Variants in CLCN3 observed in about 807,000 individuals in gnomAD.
CLCN3 encodes H(+)/Cl(-) exchange transporter 3.
Under a neutral mutation model 83.4 loss-of-function variants are expected in CLCN3, and 16 were observed. The observed-to-expected ratio is 0.19, with a 90% CI of 0.13 to 0.29. CLCN3 has a LOEUF of 0.29. Ranked by LOEUF, CLCN3 falls within the 10% of genes least tolerant of loss-of-function variation. CLCN3 has a pLI of 1.00. For synonymous variants in CLCN3, 322 were observed against 346.2 expected (o/e 0.93, Z 0.78); for missense variants, 544 against 1,006.0 (o/e 0.54, Z 6.21).
chr4:169,624,357 C>T, intron 1 of CLCN3, among the ~76,000 whole-genome samples: 1 of 152,170 alleles, frequency 6.6e-6, no homozygotes, highest in East Asian at 1.9e-4. Flanking sequence ...TGGTCTTGAA[C>T]TCCTGACCTG....
intron 11 of CLCN3, among the ~76,000 whole-genome samples, chr4:169,709,664 C>A (rs1242900908): frequency 3.5e-5 from 5 of 144,678 alleles, no homozygotes; most frequent in Non-Finnish European, 6.0e-5. Flanking sequence ...GGGCGAAGAG[C>A]AAAACCCTGT....
At chr4:169,713,390 C>A in intron 12 of CLCN3, 95 bp downstream of exon 12, 1 of 943,530 alleles carries the variant, frequency 1.1e-6, no homozygotes, top group South Asian at 1.4e-5. Context: ...TGTGAGTCAG[C>A]TCCCAGGTGG....
At chr4:169,630,543 T>C (rs1773343290) in intron 1 of CLCN3, among the ~76,000 whole-genome samples, 1 of 152,164 alleles carries the variant, frequency 6.6e-6, no homozygotes, top group African/African-American at 2.4e-5. Flanking sequence ...ATTTTTATTT[T>C]TTTTTGAGAC....
At chr4:169,664,253 AG>A (rs1225246718) in intron 2 of CLCN3, among the ~76,000 whole-genome samples, 1 of 152,138 alleles carries the variant, frequency 6.6e-6, no homozygotes, top group East Asian at 1.9e-4. Flanking sequence ...TTGAAATAAA[AG>A]TTTGGGGTCT....
At chr4:169,687,305 G>C (rs1560858874) in intron 3 of CLCN3, among the ~76,000 whole-genome samples, 1 of 152,132 alleles carries the variant, frequency 6.6e-6, no homozygotes, top group African/African-American at 2.4e-5. Context: ...TCTTGGCTGG[G>C]CACGGTGGCT....
chr4:169,710,599 T>C (rs1733174989), intron 11 of CLCN3, among the ~76,000 whole-genome samples: 1 of 152,172 alleles, frequency 6.6e-6, no homozygotes, highest in Non-Finnish European at 1.5e-5. Flanking sequence ...CAAATTTAAG[T>C]CAAAGAGATT....
chr4:169,682,501 G>A (rs528347678), intron 3 of CLCN3, among the ~76,000 whole-genome samples: 180 of 152,280 alleles, frequency 1.2e-3, no homozygotes, highest in African/African-American at 3.7e-3. Context: ...AGTAAAAATG[G>A]CATTCCATGT....
At chr4:169,636,228 A>G (rs1450223419) in intron 2 of CLCN3, 140 bp downstream of exon 2, 6 of 746,760 alleles carry the variant, frequency 8.0e-6, no homozygotes, top group African/African-American at 3.6e-5. Context: ...TAACCATTGT[A>G]AAGTGTGGAA....
chr4:169,707,844 T>C (rs1292911124), intron 11 of CLCN3, among the ~76,000 whole-genome samples: 2 of 152,252 alleles, frequency 1.3e-5, no homozygotes, highest in Non-Finnish European at 2.9e-5. Flanking sequence ...TTATGCAGAC[T>C]TTCCTGAAAA....
chr4:169,654,926 A>G (rs1444126843), intron 2 of CLCN3, among the ~76,000 whole-genome samples: 2 of 152,166 alleles, frequency 1.3e-5, no homozygotes, highest in African/African-American at 4.8e-5. Flanking sequence ...GTTTGTTTCT[A>G]TTAAGTATTT....
chr4:169,628,980 G>T (rs527847825), intron 1 of CLCN3, among the ~76,000 whole-genome samples: 8 of 152,302 alleles, frequency 5.3e-5, no homozygotes, highest in African/African-American at 1.9e-4. Flanking sequence ...AGGAACTATT[G>T]ACACATGTAA....
At chr4:169,704,684 G>T (rs1354572641) in intron 10 of CLCN3, among the ~76,000 whole-genome samples, 1 of 152,130 alleles carries the variant, frequency 6.6e-6, no homozygotes, top group African/African-American at 2.4e-5. Flanking sequence ...ATGAGAAAAG[G>T]TAACTTCATT....
chr4:169,698,836 T>G (rs1333941700), intron 9 of CLCN3, among the ~76,000 whole-genome samples: 3 of 152,228 alleles, frequency 2.0e-5, no homozygotes, highest in South Asian at 2.1e-4. Context: ...TCTTGTTTTT[T>G]GCCTTTTCTG....
intron 2 of CLCN3, among the ~76,000 whole-genome samples, chr4:169,674,386 A>G (rs1581234111): frequency 6.6e-6 from 1 of 152,196 alleles, no homozygotes; most frequent in African/African-American, 2.4e-5. Flanking sequence ...CAATTTTAAT[A>G]TTATATGGAA....
chr4:169,680,023 A>G (rs1731872900), intron 2 of CLCN3, 27 bp from the exon 3 acceptor site: 2 of 1,581,388 alleles, frequency 1.3e-6, no homozygotes, highest in East Asian at 2.2e-5. Flanking sequence ...TCTAAAACAT[A>G]CTCATCTTTC....
intron 6 of CLCN3, among the ~76,000 whole-genome samples, chr4:169,691,413 A>G (rs1469488302): frequency 6.6e-6 from 1 of 152,176 alleles, no homozygotes; most frequent in Non-Finnish European, 1.5e-5. Flanking sequence ...TTGAGAAAGT[A>G]GTTAATCACA....
intron 2 of CLCN3, 136 bp downstream of exon 2, chr4:169,636,224 T>C (rs1773498001): frequency 1.3e-6 from 1 of 764,412 alleles, no homozygotes; most frequent in African/African-American, 1.8e-5. Flanking sequence ...AACTTAACCA[T>C]TGTAAAGTGT....
chr4:169,705,119 T>C (rs1198708560), intron 10 of CLCN3, among the ~76,000 whole-genome samples: 1 of 152,072 alleles, frequency 6.6e-6, no homozygotes, highest in Admixed American at 6.6e-5. Flanking sequence ...ATGGTAGGAA[T>C]ATAGGGGAAG....
chr4:169,668,989 C>T (rs1253975336), intron 2 of CLCN3, among the ~76,000 whole-genome samples: 3 of 152,022 alleles, frequency 2.0e-5, no homozygotes, highest in Admixed American at 6.6e-5. Flanking sequence ...TGATTGATAC[C>T]TTCACCAGGA....
Sources: gnomAD v4.1 joint callset for allele counts (sites outside exome capture counted in the v4.1 genomes callset) on GRCh38, gnomAD v4.1.1 for gene constraint, MANE v1.5 for transcripts, NCBI Gene and HGNC (gene_info 2026-07-23, HGNC 2026-07-21) for gene names.